The following C3orf49 variants were observed in gnomAD, a reference collection of about 807,000 sequenced individuals.
C3orf49 encodes the protein putative uncharacterized protein C3orf49.
C3orf49 carries 27 observed loss-of-function variants against 13.3 expected under a neutral mutation model. The observed-to-expected ratio is 2.02, with a 90% CI of 1.49 to 2.79. C3orf49 has a LOEUF of 2.79. Among genes scored for constraint, C3orf49 ranks in the 30% most tolerant of loss-of-function variants. The probability of loss-of-function intolerance (pLI) is 0.00; values close to 1 mark genes in which losing one functional copy is unlikely to be tolerated. For synonymous variants in C3orf49, 87 were observed against 47.6 expected, an observed-to-expected ratio of 1.83 and a Z score of -3.40; for missense variants, 242 against 134.2, an observed-to-expected ratio of 1.80 and a Z score of -3.97.
At chr3:63,831,907 T>G in intron 5 of C3orf49, 63 bp downstream of exon 5, 1 of 657,678 alleles carries the variant, frequency 1.5e-6, no homozygotes, top group Non-Finnish European at 2.7e-6. Context: ...AAAGTTATCT[T>G]CCCTAGGCTG....
the C3orf49 span, among the ~76,000 whole-genome samples, chr3:63,803,244 T>A: frequency 6.6e-6 from 1 of 152,222 alleles, no homozygotes; most frequent in Admixed American, 6.5e-5. Flanking sequence ...TTTTCTATAT[T>A]CATGTCTTTT....
chr3:63,845,577 A>C (rs1701874742), intron 6 of C3orf49, among the ~76,000 whole-genome samples: 1 of 152,044 alleles, frequency 6.6e-6, no homozygotes, highest in South Asian at 2.1e-4. Context: ...GGGGACATGA[A>C]CTCTGGCTTT....
At chr3:63,816,774 T>C (rs541255710), upstream of C3orf49, among the ~76,000 whole-genome samples, 80 of 136,646 alleles carry the variant, frequency 5.9e-4, no homozygotes, top group African/African-American at 2.2e-3. Flanking sequence ...CTTTTCTTTT[T>C]TTTTTTTTTT....
the C3orf49 span, among the ~76,000 whole-genome samples, chr3:63,794,697 T>G: frequency 6.6e-6 from 1 of 152,164 alleles, no homozygotes; most frequent in African/African-American, 2.4e-5. Flanking sequence ...TTGTCTGAGT[T>G]CTAGCAATTA....
intron 3 of C3orf49, among the ~76,000 whole-genome samples, chr3:63,828,187 T>C (rs1490297787): frequency 1.3e-5 from 2 of 152,336 alleles, no homozygotes; most frequent in South Asian, 2.1e-4. Flanking sequence ...TTAATTTTCA[T>C]TGAAACTAAA....
At chr3:63,838,173 A>G (rs1701673541) in intron 5 of C3orf49, 1 of 1,088,676 alleles carries the variant, frequency 9.2e-7, no homozygotes, top group African/African-American at 1.6e-5. Flanking sequence ...AGACACTAGT[A>G]TTTTTAAAAA....
chr3:63,796,710 C>T, the C3orf49 span, among the ~76,000 whole-genome samples: 2 of 152,222 alleles, frequency 1.3e-5, no homozygotes, highest in Non-Finnish European at 2.9e-5. Flanking sequence ...TATGATGTTG[C>T]TGCCATTCAT....
intron 5 of C3orf49, among the ~76,000 whole-genome samples, chr3:63,843,770 T>G (rs536972689): frequency 6.6e-6 from 1 of 152,134 alleles, no homozygotes; most frequent in African/African-American, 2.4e-5. Context: ...GCATGGTGGC[T>G]GGTGCCTGTA....
intron 3 of C3orf49, among the ~76,000 whole-genome samples, chr3:63,830,886 C>A (rs931009649): frequency 2.0e-5 from 3 of 152,148 alleles, no homozygotes; most frequent in African/African-American, 7.2e-5. Context: ...CAGACAATCT[C>A]ATTTCTCTGT....
the C3orf49 span, among the ~76,000 whole-genome samples, chr3:63,809,658 C>T: frequency 1.3e-5 from 2 of 152,164 alleles, no homozygotes; most frequent in Non-Finnish European, 2.9e-5. Context: ...CTCTTGCTCT[C>T]CCTCCCTCTG....
chr3:63,839,851 T>A (rs1701722325), intron 5 of C3orf49: 1 of 1,195,234 alleles, frequency 8.4e-7, no homozygotes, highest in Non-Finnish European at 1.2e-6. Flanking sequence ...ACTGTTCATT[T>A]GTTTATTCAA....
intron 6 of C3orf49, among the ~76,000 whole-genome samples, chr3:63,847,691 C>T (rs936511021): frequency 2.9e-5 from 4 of 136,918 alleles, no homozygotes; most frequent in African/African-American, 7.6e-5. Flanking sequence ...GAGCCAAGAT[C>T]GTGCAACTGC....
the C3orf49 span, among the ~76,000 whole-genome samples, chr3:63,803,980 G>A: frequency 6.6e-6 from 1 of 151,792 alleles, no homozygotes; most frequent in East Asian, 1.9e-4. Context: ...AGATCATCAG[G>A]CATTAGGTTC....
At chr3:63,811,594 A>AC in the C3orf49 span, among the ~76,000 whole-genome samples, 1 of 151,788 alleles carries the variant, frequency 6.6e-6, no homozygotes, top group Non-Finnish European at 1.5e-5. Context: ...AAACAAAAAA[A>AC]AATAGAGCCA....
chr3:63,791,399 T>G, the C3orf49 span, among the ~76,000 whole-genome samples: 2 of 152,328 alleles, frequency 1.3e-5, no homozygotes, highest in Admixed American at 1.3e-4. Flanking sequence ...GGGTTTCATT[T>G]CATCTCTGAA....
chr3:63,796,807 C>T, the C3orf49 span, among the ~76,000 whole-genome samples: 2 of 152,026 alleles, frequency 1.3e-5, no homozygotes, highest in African/African-American at 4.8e-5. Context: ...AATACATATA[C>T]TTTACCTTCA....
At chr3:63,842,365 A>C (rs1480389725) in intron 5 of C3orf49, among the ~76,000 whole-genome samples, 1 of 152,174 alleles carries the variant, frequency 6.6e-6, no homozygotes. Flanking sequence ...CTATTGGTGG[A>C]ATGTAAATTA....
At chr3:63,781,439 A>G in the C3orf49 span, among the ~76,000 whole-genome samples, 5 of 152,012 alleles carry the variant, frequency 3.3e-5, no homozygotes, top group African/African-American at 9.7e-5. Flanking sequence ...CTCCAGCTTC[A>G]TTCTTTTGGC....
upstream of C3orf49, among the ~76,000 whole-genome samples, chr3:63,814,541 T>C (rs577370669): frequency 6.6e-6 from 1 of 152,324 alleles, no homozygotes; most frequent in South Asian, 2.1e-4. Context: ...GGAAGAATAC[T>C]GTTAAGAACA....
Sources: gnomAD v4.1 joint callset for allele counts (sites outside exome capture counted in the v4.1 genomes callset) on GRCh38, gnomAD v4.1.1 for gene constraint, MANE v1.5 for transcripts, NCBI Gene and HGNC (gene_info 2026-07-23, HGNC 2026-07-21) for gene names.